Variants in VPS53 observed in about 807,000 individuals in gnomAD.
VPS53 encodes the protein VPS53 subunit of GARP complex, also known as vacuolar protein sorting-associated protein 53 homolog.
In VPS53, 70 loss-of-function variants were observed where a neutral mutation model predicts 107.0. The ratio of observed to expected loss-of-function variants is 0.65; its 90% CI spans 0.54 to 0.80. VPS53 has a LOEUF of 0.80. VPS53 is among the 30% of genes least tolerant of loss of function. VPS53 has a pLI of 0.00. For missense variants in VPS53, 917 were observed against 1,049.4 expected (o/e 0.87, Z 1.74); for synonymous variants, 409 against 393.3 (o/e 1.04, Z -0.47).
chr17:541,160 T>C (rs944443469), intron 17 of VPS53, among the ~76,000 whole-genome samples: 3 of 152,210 alleles, frequency 2.0e-5, no homozygotes, highest in Admixed American at 6.5e-5. Flanking sequence ...CCTCAAGCTG[T>C]AGACTTTACT....
At chr17:548,066 A>G (rs1911383154) in intron 17 of VPS53, among the ~76,000 whole-genome samples, 1 of 152,206 alleles carries the variant, frequency 6.6e-6, no homozygotes, top group Non-Finnish European at 1.5e-5. Context: ...GAATAAAATG[A>G]GAAAAGGCAT....
At chr17:685,251 T>G (rs1972545986) in intron 4 of VPS53, 1 of 152,184 alleles carries the variant, frequency 6.6e-6, no homozygotes, top group Non-Finnish European at 1.5e-5. Context: ...CTCCCTGCAG[T>G]GACCCAGGTG....
intron 15 of VPS53, 145 bp from the exon 16 acceptor site, chr17:553,607 G>A: frequency 1.5e-6 from 1 of 651,476 alleles, no homozygotes; most frequent in Non-Finnish European, 2.5e-6. Context: ...ACTCGCTCTT[G>A]TTGCCTAGGC....
chr17:624,038 A>G (rs1432757458), intron 10 of VPS53, among the ~76,000 whole-genome samples: 1 of 145,550 alleles, frequency 6.9e-6, no homozygotes, highest in Non-Finnish European at 1.5e-5. Flanking sequence ...TTGTATTTTT[A>G]GTAGAGATAG....
At chr17:535,944 G>A (rs866410037) in intron 18 of VPS53, among the ~76,000 whole-genome samples, 1 of 152,090 alleles carries the variant, frequency 6.6e-6, no homozygotes, top group East Asian at 1.9e-4. Flanking sequence ...ACCAGCTGGG[G>A]CCTGGATGGG....
chr17:711,136 G>A (rs921102383), intron 1 of VPS53, among the ~76,000 whole-genome samples: 1 of 152,168 alleles, frequency 6.6e-6, no homozygotes, highest in Non-Finnish European at 1.5e-5. Context: ...CCAGAGCCCA[G>A]GAGGTTGAGG....
intron 7 of VPS53, among the ~76,000 whole-genome samples, chr17:640,731 T>G (rs1262343697): frequency 6.6e-6 from 1 of 151,900 alleles, no homozygotes; most frequent in South Asian, 2.1e-4. Context: ...CCAGTACTGA[T>G]TATTCCACAA....
chr17:710,709 G>T, intron 1 of VPS53, 96 bp from the exon 2 acceptor site: 2 of 922,458 alleles, frequency 2.2e-6, no homozygotes, highest in Non-Finnish European at 3.3e-6. Flanking sequence ...GCCGGGCACG[G>T]TGGCTCATGC....
chr17:568,971 GC>G (rs1038083221), intron 13 of VPS53, among the ~76,000 whole-genome samples: 4 of 152,190 alleles, frequency 2.6e-5, no homozygotes, highest in Non-Finnish European at 5.9e-5. Context: ...AGCTCTCTCA[GC>G]CAAGGCAATC....
intron 7 of VPS53, among the ~76,000 whole-genome samples, chr17:633,179 G>A (rs894887903): frequency 3.3e-5 from 5 of 152,084 alleles, no homozygotes; most frequent in Admixed American, 2.6e-4. Flanking sequence ...ATCACGCCCC[G>A]CAATGGATCA....
intron 11 of VPS53, among the ~76,000 whole-genome samples, chr17:617,451 G>A (rs1211328179): frequency 6.6e-6 from 1 of 152,226 alleles, no homozygotes; most frequent in Non-Finnish European, 1.5e-5. Context: ...ACCCAGACTG[G>A]AGTGCAGTGG....
Position 627,316 on chromosome 17 carries a change from C to T in VPS53, c.832G>A (p.Val278Ile). ...CTGTCGATTTTGTCCAGCCAGGCAA[C>T]CTGGTGAAGGTGGAGATCAAAAGCC... ...YLVLFQENQD[V>I]AWLDKIDRRY... The change falls in exon 10 of 22, where the codon GTT becomes ATT. Residue 278 changes from valine to isoleucine, a missense_variant and splice_region_variant. Val to Ile is a conservative substitution (Grantham distance 29). Coordinates refer to ENST00000437048, the MANE Select transcript of VPS53 (RefSeq NM_001128159.3). The T allele has an allele frequency of 6.2e-7, 1 of 1,612,584 alleles. No individual in the cohort carries two copies.
intron 11 of VPS53, among the ~76,000 whole-genome samples, chr17:608,505 T>C (rs745812801): frequency 6.6e-6 from 1 of 152,142 alleles, no homozygotes; most frequent in Non-Finnish European, 1.5e-5. Flanking sequence ...TGTGGATACC[T>C]CCAGGGGGAG....
chr17:632,166 G>C (rs753893206), intron 7 of VPS53, among the ~76,000 whole-genome samples: 3 of 152,114 alleles, frequency 2.0e-5, no homozygotes, highest in Non-Finnish European at 2.9e-5. Flanking sequence ...AGGATCTCTT[G>C]AGCCCAGGAC....
intron 5 of VPS53, among the ~76,000 whole-genome samples, chr17:658,914 A>C (rs1187268426): frequency 6.6e-6 from 1 of 152,158 alleles, no homozygotes; most frequent in East Asian, 1.9e-4. Context: ...GCACAGCTCA[A>C]TTCCACACCT....
At chr17:687,375 AGACCATCCT>A (rs756090203) in intron 4 of VPS53, among the ~76,000 whole-genome samples, 1 of 151,990 alleles carries the variant, frequency 6.6e-6, no homozygotes, top group Non-Finnish European at 1.5e-5. Flanking sequence ...CAGAAGATCG[AGACCATCCT>A]GGCCAACATG....
intron 8 of VPS53, among the ~76,000 whole-genome samples, chr17:630,601 G>A (rs1013280164): frequency 3.3e-5 from 5 of 152,144 alleles, no homozygotes; most frequent in East Asian, 1.9e-4. Context: ...AATCAGGAGC[G>A]GGCTTCCTAT....
At chr17:652,576 A>G (rs371318) in intron 7 of VPS53, among the ~76,000 whole-genome samples, 73,508 of 152,020 alleles carry the variant, frequency 0.48, 19,528 homozygotes, top group Non-Finnish European at 0.59. Flanking sequence ...CGGCCTGGCC[A>G]AGCTCCCAGC....
rs1303782177 is a variant in VPS53, at chr17:512,551, C to G, written c.*6577G>C. 6.6e-6 allele frequency: 1 copy of G among 152,236 alleles called. No individual in the cohort carries two copies. Among genetic ancestry groups the G allele is most frequent in the East Asian group, 1.9e-4 (1 of 5,190 alleles). 9.4% of individuals were successfully genotyped at this position (152,236 alleles called of 1,614,324 possible). A position where few individuals can be genotyped will look rare whatever the true frequency, so the allele number is the denominator to read the frequency against. ...AGAAGGAAGGAGCTGGCAGGCAATG[C>G]CCTTCCAGGTGGGCTACAGGGAAGG... is the stretch of plus-strand genomic sequence containing the variant. On this transcript the variant is annotated 3_prime_UTR_variant, in exon 22 of 22. Coordinates refer to ENST00000437048, the MANE Select transcript of VPS53 (RefSeq NM_001128159.3).
Sources: allele counts gnomAD v4.1 joint callset (sites outside exome capture counted in the v4.1 genomes callset), GRCh38; gene constraint gnomAD v4.1.1; transcripts MANE v1.5; gene names NCBI Gene and HGNC (gene_info 2026-07-23, HGNC 2026-07-21).